Variants in RBFOX1 observed in about 807,000 individuals in gnomAD.
RBFOX1 encodes the protein RNA binding fox-1 homolog 1.
Under a neutral mutation model 57.7 loss-of-function variants are expected in RBFOX1, and 8 were observed. That is an observed-to-expected ratio of 0.14 (90% CI 0.08 to 0.25). RBFOX1 has a LOEUF of 0.25. Among genes scored for constraint, RBFOX1 ranks in the 10% least tolerant of loss-of-function variants. The probability of loss-of-function intolerance (pLI) is 1.00; values close to 1 mark genes in which losing one functional copy is unlikely to be tolerated. For missense variants in RBFOX1, 611 were observed against 548.5 expected (o/e 1.11, Z -1.14); for synonymous variants, 326 against 222.4 (o/e 1.47, Z -4.15).
chr16:6,487,171 T>A (rs1175605598), intron 2 of RBFOX1, among the ~76,000 whole-genome samples: 3 of 134,974 alleles, frequency 2.2e-5, no homozygotes, highest in Non-Finnish European at 5.1e-5. Flanking sequence ...TGTGTGTGTG[T>A]GTGTGTGTGT....
At chr16:5,960,383 A>G (rs999823795) in intron 4 of RBFOX1, among the ~76,000 whole-genome samples, 3 of 152,156 alleles carry the variant, frequency 2.0e-5, no homozygotes, top group Non-Finnish European at 2.9e-5. Flanking sequence ...ACCCAAACCT[A>G]TTAGATTTCA....
chr16:6,590,696 A>G (rs2097697955), intron 2 of RBFOX1, among the ~76,000 whole-genome samples: 1 of 152,180 alleles, frequency 6.6e-6, no homozygotes, highest in South Asian at 2.1e-4. Context: ...GAATCTTTCT[A>G]GAAAATGGGA....
intron 4 of RBFOX1, among the ~76,000 whole-genome samples, chr16:7,175,502 G>A (rs1044395336): frequency 1.3e-5 from 2 of 152,116 alleles, no homozygotes; most frequent in South Asian, 4.1e-4. Flanking sequence ...TCGCTGCCTG[G>A]TCATACTCAT....
intron 4 of RBFOX1, among the ~76,000 whole-genome samples, chr16:7,483,522 C>G (rs1301987442): frequency 3.3e-5 from 5 of 152,132 alleles, no homozygotes; most frequent in Non-Finnish European, 7.4e-5. Flanking sequence ...TCTTTAATAT[C>G]CAGACCTTTC....
intron 2 of RBFOX1, among the ~76,000 whole-genome samples, chr16:6,423,464 T>C (rs1242862402): frequency 3.3e-5 from 5 of 152,108 alleles, no homozygotes; most frequent in Non-Finnish European, 7.4e-5. Flanking sequence ...CCAGGTTTGA[T>C]GGTGCATGTC....
At chr16:6,146,435 G>A (rs2096758777) in intron 1 of RBFOX1, among the ~76,000 whole-genome samples, 2 of 152,088 alleles carry the variant, frequency 1.3e-5, no homozygotes, top group African/African-American at 4.8e-5. Flanking sequence ...TTTTCACTGT[G>A]GGAGCTGTCC....
intron 3 of RBFOX1, among the ~76,000 whole-genome samples, chr16:6,896,988 G>C (rs756743672): frequency 8.9e-4 from 135 of 152,196 alleles, no homozygotes; most frequent in Admixed American, 3.0e-3. Flanking sequence ...GAAATGTCGT[G>C]GCTAACAGCA....
chr16:7,435,136 G>A (rs773316470), intron 4 of RBFOX1, among the ~76,000 whole-genome samples: 3 of 151,744 alleles, frequency 2.0e-5, no homozygotes, highest in Non-Finnish European at 2.9e-5. Flanking sequence ...TTTTTACCTC[G>A]TTCTTTTCTG....
intron 1 of RBFOX1, among the ~76,000 whole-genome samples, chr16:5,389,169 C>T (rs891279209): frequency 1.4e-4 from 21 of 149,608 alleles, no homozygotes; most frequent in Admixed American, 2.7e-4. Context: ...CCAGCCTGGG[C>T]GACAGAGCGA....
chr16:6,178,321 G>A (rs535339046), intron 1 of RBFOX1, among the ~76,000 whole-genome samples: 1 of 151,628 alleles, frequency 6.6e-6, no homozygotes, highest in East Asian at 2.0e-4. Flanking sequence ...CAAGTAGCTG[G>A]GATTACAGGC....
intron 1 of RBFOX1, among the ~76,000 whole-genome samples, chr16:6,273,801 G>T (rs941459677): frequency 2.6e-5 from 4 of 152,104 alleles, no homozygotes; most frequent in Non-Finnish European, 4.4e-5. Flanking sequence ...ACTTTTGCAA[G>T]CCATGTATCT....
At chr16:7,396,223 G>A (rs2098136762) in intron 4 of RBFOX1, among the ~76,000 whole-genome samples, 1 of 152,102 alleles carries the variant, frequency 6.6e-6, no homozygotes, top group South Asian at 2.1e-4. Flanking sequence ...CAAGAGCAAG[G>A]CTGTGGCAGT....
Position 7,003,347 on chromosome 16 carries a change from C to G in RBFOX1, c.-15-48710C>G, listed in dbSNP as rs139895334. On this transcript the variant is annotated intron_variant, in intron 3 of 15. Coordinates refer to ENST00000550418, the MANE Select transcript of RBFOX1 (RefSeq NM_018723.4). ...TGATGGTGAGCACTTGTAGTCCCAG[C>G]TACTCAGGAGGCTGAGGCAAGAGAA... is the stretch of plus-strand genomic sequence containing the variant. Among the ~76,000 whole-genome samples the G allele has an allele frequency of 1.0e-3, 156 of 151,996 alleles. 1 individual carries two copies. Among genetic ancestry groups the G allele is most frequent in the Admixed American group, 1.7e-3 (26 of 15,244 alleles).
At chr16:7,146,152 T>C (rs1477783086) in intron 4 of RBFOX1, among the ~76,000 whole-genome samples, 3 of 152,204 alleles carry the variant, frequency 2.0e-5, no homozygotes, top group Admixed American at 1.3e-4. Context: ...TGGCACAGTG[T>C]CGTTTACCCC....
chr16:7,197,328 T>C (rs2086959421), intron 4 of RBFOX1, among the ~76,000 whole-genome samples: 1 of 151,984 alleles, frequency 6.6e-6, no homozygotes, highest in South Asian at 2.1e-4. Flanking sequence ...CTATCGATTT[T>C]AACTCCTGAT....
chr16:7,512,010 G>A (rs2075224101), intron 4 of RBFOX1, among the ~76,000 whole-genome samples: 1 of 152,328 alleles, frequency 6.6e-6, no homozygotes, highest in East Asian at 1.9e-4. Context: ...GGGAACACTT[G>A]TGAGGCAGAT....
chr16:5,816,212 C>G (rs1278265988), intron 3 of RBFOX1, among the ~76,000 whole-genome samples: 2 of 152,192 alleles, frequency 1.3e-5, no homozygotes, highest in Non-Finnish European at 2.9e-5. Flanking sequence ...GGCTTGGAGG[C>G]ACTGGGATTT....
chr16:5,893,095 T>G (rs2058084135), intron 4 of RBFOX1, among the ~76,000 whole-genome samples: 1 of 152,200 alleles, frequency 6.6e-6, no homozygotes. Context: ...GTATCAAATG[T>G]GTATGCAAGT....
chr16:7,665,200 A>T (rs1386953856), intron 13 of RBFOX1, among the ~76,000 whole-genome samples: 1 of 152,170 alleles, frequency 6.6e-6, no homozygotes, highest in Non-Finnish European at 1.5e-5. Context: ...TTCAGAACGA[A>T]TGCAATTCCC....
Sources: allele counts gnomAD v4.1 joint callset (sites outside exome capture counted in the v4.1 genomes callset), GRCh38; gene constraint gnomAD v4.1.1; transcripts MANE v1.5; gene names NCBI Gene and HGNC (gene_info 2026-07-23, HGNC 2026-07-21).